Variants in CHM observed in about 807,000 individuals in gnomAD.
The protein encoded by CHM is CHM Rab escort protein.
In CHM, 10 loss-of-function variants were observed where a neutral mutation model predicts 49.0. The ratio of observed to expected loss-of-function variants is 0.20; its 90% CI spans 0.13 to 0.35. The LOEUF (loss-of-function observed/expected upper bound fraction) is 0.35, where lower values mean the gene tolerates loss of function less well. Among genes scored for constraint, CHM ranks in the 10% least tolerant of loss-of-function variants. The pLI, the probability that CHM is intolerant of heterozygous loss-of-function variation, is 1.00. For missense variants in CHM, 455 were observed against 478.4 expected (o/e 0.95, Z 0.46); for synonymous variants, 184 against 167.5 (o/e 1.10, Z -0.76).
chrX:85,904,836 T>C (rs1316430275), intron 9 of CHM, among the ~76,000 whole-genome samples: 1 of 111,866 alleles, frequency 8.9e-6, no homozygotes, highest in Non-Finnish European at 1.9e-5. Context: ...AAGTTCTGTA[T>C]CCATATTTGT....
intron 2 of CHM, among the ~76,000 whole-genome samples, chrX:86,021,091 TAC>T (rs1218635411): frequency 1.1e-5 from 1 of 92,514 alleles, no homozygotes; most frequent in African/African-American, 3.9e-5. Flanking sequence ...CACATATATA[TAC>T]ACATATATAT....
chrX:85,956,586 T>C (rs945477453), intron 7 of CHM, among the ~76,000 whole-genome samples: 2 of 111,087 alleles, frequency 1.8e-5, no homozygotes, highest in Non-Finnish European at 3.8e-5. Context: ...TAGCTTTAAA[T>C]GATGAATTAT....
intron 9 of CHM, among the ~76,000 whole-genome samples, chrX:85,904,831 C>A (rs1926492555): frequency 9.0e-6 from 1 of 111,680 alleles, no homozygotes; most frequent in Non-Finnish European, 1.9e-5. Flanking sequence ...CTGTTAAGTT[C>A]TGTATCCATA....
At chrX:85,888,626 T>C (rs1375287858) in intron 12 of CHM, among the ~76,000 whole-genome samples, 1 of 111,798 alleles carries the variant, frequency 8.9e-6, no homozygotes, top group East Asian at 2.8e-4. Flanking sequence ...CAGAGTCCCC[T>C]GGGTTTTCTT....
chrX:86,010,354 TA>T (rs746894699), intron 2 of CHM, among the ~76,000 whole-genome samples: 5,569 of 89,086 alleles, frequency 0.063, 414 homozygotes, highest in African/African-American at 0.21. Context: ...AAAGGATAAT[TA>T]AAAAAAAAAA....
intron 1 of CHM, among the ~76,000 whole-genome samples, chrX:86,042,109 C>A (rs1934489135): frequency 9.0e-6 from 1 of 110,825 alleles, no homozygotes. Context: ...TGATGCTATT[C>A]CAACATCATC....
At chrX:86,047,211 C>G in intron 1 of CHM, 1 of 415,512 alleles carries the variant, frequency 2.4e-6, no homozygotes, top group Non-Finnish European at 4.3e-6. Context: ...CCACTTCCCT[C>G]TAAGGAAATT....
Position 85,873,050 on chromosome X carries a change from A to G in CHM, c.1770+2T>C. Reference sequence around the variant, plus strand: ...AAAACTGAGAAACATCAAGAGCCTTACCTGTTTGACTGCATTATCATTTCC... The same window carrying G: ...AAAACTGAGAAACATCAAGAGCCTTGCCTGTTTGACTGCATTATCATTTCC... On this transcript the variant is annotated splice_donor_variant, in intron 14 of 14. Transcript: ENST00000357749. LOFTEE classifies it high-confidence loss of function. The G allele has an allele frequency of 8.3e-7, 1 of 1,205,636 alleles. No homozygotes were observed. The highest frequency in any genetic ancestry group is 1.1e-6 in the Non-Finnish European group (1 of 890,692).
At chrX:86,020,697 A>C (rs1311612623) in intron 2 of CHM, among the ~76,000 whole-genome samples, 1 of 104,215 alleles carries the variant, frequency 9.6e-6, no homozygotes, top group Non-Finnish European at 2.0e-5. Flanking sequence ...CATCTGATAT[A>C]TACATCTGAT....
chrX:85,951,084 A>G (rs1202304770), intron 8 of CHM, among the ~76,000 whole-genome samples: 1 of 112,105 alleles, frequency 8.9e-6, no homozygotes, highest in Non-Finnish European at 1.9e-5. Flanking sequence ...ACACACAACT[A>G]GAAAGCATTT....
chrX:85,963,388 T>C (rs1044152082), intron 5 of CHM, among the ~76,000 whole-genome samples: 16 of 112,687 alleles, frequency 1.4e-4, no homozygotes, highest in Non-Finnish European at 2.4e-4. Flanking sequence ...TTTCTTTTGA[T>C]AGAATTCATA....
At chrX:85,913,818 T>C (rs1035999419) in intron 8 of CHM, among the ~76,000 whole-genome samples, 4 of 110,256 alleles carry the variant, frequency 3.6e-5, no homozygotes, top group Non-Finnish European at 7.6e-5. Flanking sequence ...GATGGCACAC[T>C]AGACACAGCC....
At chrX:86,021,197 C>T (rs1334746845) in intron 2 of CHM, among the ~76,000 whole-genome samples, 1 of 80,750 alleles carries the variant, frequency 1.2e-5, no homozygotes, top group Non-Finnish European at 2.3e-5. Flanking sequence ...TATATGAAAT[C>T]CGAAGCACTT....
chrX:85,878,450 A>C (rs946376361), intron 13 of CHM, among the ~76,000 whole-genome samples: 1 of 108,996 alleles, frequency 9.2e-6, no homozygotes, highest in African/African-American at 3.3e-5. Flanking sequence ...ACTGCACTCC[A>C]ACCTGGGCGA....
intron 1 of CHM, among the ~76,000 whole-genome samples, chrX:86,033,308 G>A (rs1934111995): frequency 1.8e-5 from 2 of 111,917 alleles, no homozygotes; most frequent in African/African-American, 6.5e-5. Context: ...ACCTGGCAAA[G>A]CCCAAGTACT....
chrX:85,864,812 G>C lies in CHM; in HGVS notation c.1780C>G (p.Leu594Val), dbSNP rs745996887. ...NDNAVKQAET[L>V]FQEICPNEDF... ...TCATTGGGGCAGATTTCCTGGAAAA[G>C]TGTTTCAGCCTGGCCAAGGAAGAAA... Residue 594 changes from leucine to valine, a missense_variant, in exon 15 of 15, where the codon CTT (leucine) becomes GTT (valine). Coordinates refer to ENST00000357749, the MANE Select transcript of CHM (RefSeq NM_000390.4). 1.7e-6 allele frequency: 2 copies of C among 1,205,034 alleles called. No homozygotes were observed. Among genetic ancestry groups the C allele is most frequent in the Admixed American group, 2.2e-5 (1 of 45,417 alleles).
chrX:85,938,541 A>C (rs755041701), intron 8 of CHM, among the ~76,000 whole-genome samples: 11 of 107,727 alleles, frequency 1.0e-4, no homozygotes, highest in Non-Finnish European at 1.9e-4. Flanking sequence ...AGTGGTTCCT[A>C]ATCTTTTTTT....
chrX:85,913,332 A>AAGAAAGAAAG (rs1927198043), intron 8 of CHM, among the ~76,000 whole-genome samples: 1 of 23,419 alleles, frequency 4.3e-5, no homozygotes, highest in African/African-American at 1.4e-4. Flanking sequence ...AAAAAAAAAA[A>AAGAAAGAAAG]AAAGAAAGAA....
At chrX:86,019,548 T>A in intron 2 of CHM, 1 of 111,590 alleles carries the variant, frequency 9.0e-6, no homozygotes, top group Admixed American at 9.5e-5. Flanking sequence ...GCAAGAGAGA[T>A]CAAGGAGAAA....
Sources: gnomAD v4.1 joint callset for allele counts (sites outside exome capture counted in the v4.1 genomes callset) on GRCh38, gnomAD v4.1.1 for gene constraint, MANE v1.5 for transcripts, NCBI Gene and HGNC (gene_info 2026-07-23, HGNC 2026-07-21) for gene names.